The following CD2AP variants were observed in gnomAD, a reference collection of about 807,000 sequenced individuals.
CD2AP encodes the protein CD2 associated protein.
In CD2AP, 46 loss-of-function variants were observed where a neutral mutation model predicts 85.1. That is an observed-to-expected ratio of 0.54 (90% confidence interval 0.43 to 0.69). The LOEUF is 0.69. Ranked by LOEUF, CD2AP falls within the 30% of genes least tolerant of loss-of-function variation. The pLI is 0.00. For synonymous variants in CD2AP, 255 were observed against 252.9 expected (o/e 1.01, Z -0.08); for missense variants, 769 against 729.5 (o/e 1.05, Z -0.62).
intron 5 of CD2AP, among the ~76,000 whole-genome samples, chr6:47,569,083 AAGAAAGG>A (rs1031775465): frequency 6.6e-6 from 1 of 152,214 alleles, no homozygotes; most frequent in Non-Finnish European, 1.5e-5. Context: ...CAAATTAAAG[AAGAAAGG>A]AGGTTAGGCA....
chr6:47,483,717 A>G (rs1047929557), intron 1 of CD2AP, among the ~76,000 whole-genome samples: 3 of 151,738 alleles, frequency 2.0e-5, no homozygotes, highest in African/African-American at 2.4e-5. Context: ...TCTTCTCTCT[A>G]AGTGCTGCAG....
intron 17 of CD2AP, among the ~76,000 whole-genome samples, chr6:47,616,771 T>C (rs1424522387): frequency 6.6e-6 from 1 of 152,154 alleles, no homozygotes; most frequent in Non-Finnish European, 1.5e-5. Context: ...TCTCTGATTT[T>C]TCACCTTCAA....
chr6:47,518,811 T>C (rs1003769398), intron 2 of CD2AP, among the ~76,000 whole-genome samples: 1 of 152,222 alleles, frequency 6.6e-6, no homozygotes, highest in Admixed American at 6.5e-5. Context: ...CTTTTTGCAA[T>C]AGTTGTGACA....
intron 13 of CD2AP, among the ~76,000 whole-genome samples, chr6:47,604,293 TC>T (rs1769214857): frequency 6.6e-6 from 1 of 152,058 alleles, no homozygotes; most frequent in Non-Finnish European, 1.5e-5. Context: ...TGTGCACTGT[TC>T]CATTTTACTA....
At position 47,554,697 on chromosome 6, in the gene CD2AP, C is replaced by T; in HGVS notation, c.472C>T (p.Pro158Ser). 1 of 1,613,486 alleles carries T rather than the reference C, an allele frequency of 6.2e-7. No homozygotes were observed. The highest frequency in any genetic ancestry group is 8.5e-7 in the Non-Finnish European group (1 of 1,179,590). Residue 158 changes from proline (P) to serine (S), a missense_variant, in exon 5 of 18, where the codon CCC becomes TCC. By Grantham distance (74) the Pro-to-Ser change is moderately conservative. Transcript: ENST00000359314. ...GTLNNKLGLF[P>S]SNFVKELEVT... ...CCTGAATAACAAGTTGGGACTGTTTCCCTCAAATTTTGTGAAAGAATTAGA... is the reference window on the plus strand; with the variant it reads ...CCTGAATAACAAGTTGGGACTGTTTTCCTCAAATTTTGTGAAAGAATTAGA...
chr6:47,514,343 A>G (rs9369707), intron 2 of CD2AP, among the ~76,000 whole-genome samples: 1 of 152,172 alleles, frequency 6.6e-6, no homozygotes, highest in Non-Finnish European at 1.5e-5. Context: ...TTAATTTGTT[A>G]TGTTTAAGAA....
At position 47,478,266 on chromosome 6, in the gene CD2AP, T is replaced by C. The variant is rs1220367936; in HGVS notation, c.4+18T>C. The C allele has an allele frequency of 2.6e-6, 4 of 1,568,556 alleles. No individual in the cohort carries two copies. Among genetic ancestry groups the C allele is most frequent in the Middle Eastern group, 3.3e-4 (2 of 5,998 alleles). ...CAGCATGGGTAAGAGACTCGGGCGCTTCCCGCCGCCCGTCCGGACCTTCCA... is the reference window on the plus strand; with the variant it reads ...CAGCATGGGTAAGAGACTCGGGCGCCTCCCGCCGCCCGTCCGGACCTTCCA... On this transcript the variant is annotated intron_variant, in intron 1 of 17. Transcript: ENST00000359314.
chr6:47,540,248 T>G (rs555939505), intron 3 of CD2AP, among the ~76,000 whole-genome samples: 2 of 151,604 alleles, frequency 1.3e-5, no homozygotes, highest in Non-Finnish European at 2.9e-5. Flanking sequence ...CTTAATTTCA[T>G]GTATCCTTTT....
At chr6:47,616,029 C>T (rs142345554) in intron 17 of CD2AP, among the ~76,000 whole-genome samples, 48,893 of 147,384 alleles carry the variant, frequency 0.33, 9,040 homozygotes, top group Middle Eastern at 0.52. Flanking sequence ...GTGATTCGCC[C>T]GCCTCAGCCT....
rs184060361 is a variant in CD2AP at position 47,533,819 on chromosome 6, C to T, written c.319+64C>T. On this transcript the variant is annotated intron_variant, in intron 3 of 17. Coordinates refer to ENST00000359314, the MANE Select transcript of CD2AP (RefSeq NM_012120.3). ...ATAGAAGGATATTTTATAACTGTGT[C>T]TAAATTAAGAAAAATTAGTTCAGTC... is the stretch of plus-strand genomic sequence containing the variant. 3.1e-5 allele frequency: 48 copies of T among 1,538,434 alleles called. No homozygotes were observed. The East Asian group carries it at 1.1e-3, about 35-fold the overall frequency.
intron 1 of CD2AP, among the ~76,000 whole-genome samples, chr6:47,495,091 A>T (rs1180950518): frequency 6.6e-6 from 1 of 152,094 alleles, no homozygotes; most frequent in East Asian, 1.9e-4. Flanking sequence ...TGAACCTGGG[A>T]GGTGGAGGCT....
chr6:47,595,765 T>G (rs1240242665), intron 11 of CD2AP, 96 bp from the exon 12 acceptor site: 305 of 932,310 alleles, frequency 3.3e-4, no homozygotes, highest in Non-Finnish European at 9.3e-5. Context: ...CATGTCTGCC[T>G]CTGTCACACT....
intron 5 of CD2AP, among the ~76,000 whole-genome samples, chr6:47,570,212 T>C (rs543388687): frequency 1.3e-5 from 2 of 152,278 alleles, no homozygotes; most frequent in South Asian, 4.1e-4. Flanking sequence ...AAACAAGTAA[T>C]TGCATTTTGC....
Position 47,477,880 on chromosome 6 carries a change from G to A in CD2AP, c.-365G>A. On this transcript the variant is annotated 5_prime_UTR_variant, in exon 1 of 18. Coordinates refer to ENST00000359314, the MANE Select transcript of CD2AP (RefSeq NM_012120.3). ...CGAGGGGCGGGCTCCGAGGCTAGGC[G>A]GGCGCTCGGGGTTGGAGCCGAGGGT... 1 of 358,430 alleles carries A rather than the reference G, an allele frequency of 2.8e-6. No individual in the cohort carries two copies. The allele number at this position is 358,430 out of a possible 1,614,324, so 22.2% of individuals were successfully genotyped here.
intron 17 of CD2AP, among the ~76,000 whole-genome samples, chr6:47,612,817 C>T (rs187674292): frequency 1.3e-5 from 2 of 152,208 alleles, no homozygotes; most frequent in East Asian, 3.9e-4. Context: ...CGATTGAACT[C>T]ATAGAGATAG....
intron 11 of CD2AP, among the ~76,000 whole-genome samples, chr6:47,587,796 C>A (rs1222691787): frequency 6.6e-6 from 1 of 152,064 alleles, no homozygotes; most frequent in African/African-American, 2.4e-5. Context: ...ATCTTATGTC[C>A]TCCTCACTTC....
chr6:47,575,183 T>C (rs1768272876), intron 6 of CD2AP, among the ~76,000 whole-genome samples: 1 of 152,120 alleles, frequency 6.6e-6, no homozygotes, highest in Non-Finnish European at 1.5e-5. Context: ...GATTGTGGGG[T>C]CAAATTGATT....
intron 5 of CD2AP, chr6:47,562,942 G>A (rs551037875): frequency 4.8e-5 from 28 of 585,398 alleles, no homozygotes; most frequent in Non-Finnish European, 8.2e-5. Context: ...ATTGGTTGTG[G>A]TTGGGTAGTA....
At chr6:47,495,325 A>G (rs770687599) in intron 1 of CD2AP, among the ~76,000 whole-genome samples, 14 of 152,136 alleles carry the variant, frequency 9.2e-5, no homozygotes, top group Non-Finnish European at 1.9e-4. Context: ...ATGGAGGTAG[A>G]GGTTGGAGTT....
Sources: gnomAD v4.1 joint callset for allele counts (sites outside exome capture counted in the v4.1 genomes callset) on GRCh38, gnomAD v4.1.1 for gene constraint, MANE v1.5 for transcripts, NCBI Gene and HGNC (gene_info 2026-07-23, HGNC 2026-07-21) for gene names.